The following PINX1 variants were observed in gnomAD, a reference collection of about 807,000 sequenced individuals.
PINX1 encodes the protein PIN2 (TERF1) interacting telomerase inhibitor 1.
In PINX1, 34 loss-of-function variants were observed where a neutral mutation model predicts 25.4. That is an observed-to-expected ratio of 1.34 (90% CI 1.02 to 1.78). PINX1 has a LOEUF of 1.78. Ranked by LOEUF, PINX1 falls within the 40% of genes most tolerant of loss-of-function variation. PINX1 has a pLI of 0.00. For missense variants in PINX1, 592 were observed against 404.9 expected (o/e 1.46, Z -3.97); for synonymous variants, 197 against 147.7 (o/e 1.33, Z -2.42).
intron 6 of PINX1, among the ~76,000 whole-genome samples, chr8:10,813,223 G>C (rs1797590517): frequency 1.3e-5 from 2 of 152,154 alleles, no homozygotes; most frequent in Non-Finnish European, 2.9e-5. Context: ...GTCCAGATGT[G>C]GAGTGGGGGG....
At chr8:10,786,147 T>TA (rs1801740627) in intron 6 of PINX1, among the ~76,000 whole-genome samples, 1 of 152,342 alleles carries the variant, frequency 6.6e-6, no homozygotes, top group East Asian at 1.9e-4. Flanking sequence ...CTTGTTATCT[T>TA]AAAAAATTAT....
chr8:10,808,064 C>T (rs1269013673), intron 6 of PINX1, among the ~76,000 whole-genome samples: 2 of 152,222 alleles, frequency 1.3e-5, no homozygotes, highest in East Asian at 3.9e-4. Context: ...CAGAAAACAA[C>T]CAAAAATTGT....
intron 6 of PINX1, among the ~76,000 whole-genome samples, chr8:10,808,804 G>C (rs1220438144): frequency 2.6e-5 from 4 of 152,134 alleles, no homozygotes; most frequent in South Asian, 2.1e-4. Flanking sequence ...ACATGAATAA[G>C]TAGGAAGCAT....
intron 6 of PINX1, among the ~76,000 whole-genome samples, chr8:10,803,986 A>C (rs1294753244): frequency 6.7e-6 from 1 of 150,030 alleles, no homozygotes; most frequent in African/African-American, 2.4e-5. Context: ...CAAATTAGCT[A>C]TCATTTTAAC....
At chr8:10,804,224 A>G (rs7838341) in intron 6 of PINX1, among the ~76,000 whole-genome samples, 35,886 of 152,182 alleles carry the variant, frequency 0.24, 4,349 homozygotes, top group East Asian at 0.33. Context: ...CTTTCCATGA[A>G]GATGTCACTG....
intron 1 of PINX1, among the ~76,000 whole-genome samples, chr8:10,837,912 A>G (rs956155623): frequency 1.3e-5 from 2 of 152,210 alleles, no homozygotes; most frequent in Admixed American, 6.5e-5. Flanking sequence ...AGGAACTGCA[A>G]CCTACGTTAG....
At chr8:10,767,697 T>G (rs75664050) in intron 6 of PINX1, among the ~76,000 whole-genome samples, 18,050 of 151,338 alleles carry the variant, frequency 0.12, 1,674 homozygotes, top group African/African-American at 0.25. Context: ...AGAAAGATCC[T>G]GCCTCCCAAA....
rs567163500 is a variant in PINX1, at chr8:10,811,044, C to G, written c.471+9149G>C. On this transcript the variant is annotated intron_variant, in intron 6 of 6. Coordinates refer to ENST00000314787, the MANE Select transcript of PINX1 (RefSeq NM_017884.6). ...GTGAGAGTGTTGGTGCTGACTGTGA[C>G]GACAGTGGTCTCAACAGCAGCAGCA... Among the ~76,000 whole-genome samples the G allele has an allele frequency of 3.3e-5, 5 of 152,312 alleles. No homozygotes were observed. In the East Asian group the frequency reaches 7.7e-4, roughly 23 times the overall value.
At chr8:10,801,170 A>G (rs1319537953) in intron 6 of PINX1, among the ~76,000 whole-genome samples, 3 of 152,308 alleles carry the variant, frequency 2.0e-5, no homozygotes, top group African/African-American at 7.2e-5. Context: ...AGTACCACAG[A>G]TTAATCACGC....
intron 6 of PINX1, among the ~76,000 whole-genome samples, chr8:10,767,704 C>G (rs1801098692): frequency 6.6e-6 from 1 of 152,102 alleles, no homozygotes; most frequent in Non-Finnish European, 1.5e-5. Context: ...TCCTGCCTCC[C>G]AAAGACGGGC....
At chr8:10,789,775 C>G (rs1337510966) in intron 6 of PINX1, among the ~76,000 whole-genome samples, 1 of 152,164 alleles carries the variant, frequency 6.6e-6, no homozygotes, top group African/African-American at 2.4e-5. Context: ...AGGGTACACA[C>G]CACTGAGACC....
intron 6 of PINX1, among the ~76,000 whole-genome samples, chr8:10,769,393 G>A (rs1021936859): frequency 6.6e-6 from 1 of 152,180 alleles, no homozygotes; most frequent in South Asian, 2.1e-4. Flanking sequence ...TTTGATGACT[G>A]ACTTTCCCAA....
intron 5 of PINX1, chr8:10,825,474 A>C: frequency 1.9e-6 from 1 of 534,366 alleles, no homozygotes; most frequent in Non-Finnish European, 3.8e-6. Context: ...AGTTGGTTCT[A>C]TTAGGTTAAA....
At chr8:10,783,332 G>C (rs1029790330) in intron 6 of PINX1, among the ~76,000 whole-genome samples, 2 of 152,158 alleles carry the variant, frequency 1.3e-5, no homozygotes, top group Non-Finnish European at 2.9e-5. Flanking sequence ...TTCTGGGATG[G>C]ATTTGTTTCA....
chr8:10,775,927 C>T (rs377496956), intron 6 of PINX1, among the ~76,000 whole-genome samples: 6 of 152,076 alleles, frequency 3.9e-5, no homozygotes, highest in African/African-American at 9.7e-5. Flanking sequence ...TTGGCTGCAG[C>T]GGGGTGGGGG....
chr8:10,794,901 A>T (rs866636456), intron 6 of PINX1, among the ~76,000 whole-genome samples: 48 of 152,202 alleles, frequency 3.2e-4, no homozygotes, highest in African/African-American at 1.1e-3. Flanking sequence ...TATCTACTGT[A>T]TTTATTCAGG....
chr8:10,823,159 G>A (rs1797927319), intron 5 of PINX1, among the ~76,000 whole-genome samples: 3 of 152,162 alleles, frequency 2.0e-5, no homozygotes, highest in Non-Finnish European at 4.4e-5. Context: ...CTCACTACCA[G>A]TGTGCAACTG....
At chr8:10,767,658 G>A (rs966526180) in intron 6 of PINX1, among the ~76,000 whole-genome samples, 4 of 152,228 alleles carry the variant, frequency 2.6e-5, no homozygotes, top group Non-Finnish European at 5.9e-5. Flanking sequence ...AGGCTCTCCC[G>A]GCACGAGCCA....
chr8:10,771,112 G>C (rs1383417853), intron 6 of PINX1: 1 of 152,212 alleles, frequency 6.6e-6, no homozygotes, highest in Non-Finnish European at 1.5e-5. Context: ...TGAGTGGTTT[G>C]ACAGAACATT....
Sources: allele counts gnomAD v4.1 joint callset (sites outside exome capture counted in the v4.1 genomes callset), GRCh38; gene constraint gnomAD v4.1.1; transcripts MANE v1.5; gene names NCBI Gene and HGNC (gene_info 2026-07-23, HGNC 2026-07-21).